The following HDAC7 variants were observed in gnomAD, a reference collection of about 807,000 sequenced individuals.
HDAC7 encodes the protein histone deacetylase 7A.
In HDAC7, 26 loss-of-function variants were observed where a neutral mutation model predicts 115.5. The observed-to-expected ratio is 0.23, with a 90% CI of 0.16 to 0.31. HDAC7 has a LOEUF of 0.31. HDAC7 is among the 10% of genes least tolerant of loss of function. The pLI, the probability that HDAC7 is intolerant of heterozygous loss-of-function variation, is 1.00. For synonymous variants in HDAC7, 564 were observed against 550.9 expected (o/e 1.02, Z -0.33); for missense variants, 1,068 against 1,329.0 (o/e 0.80, Z 3.05).
intron 1 of HDAC7, among the ~76,000 whole-genome samples, chr12:47,817,281 G>A (rs921876375): frequency 5.9e-5 from 9 of 152,168 alleles, no homozygotes; most frequent in African/African-American, 2.2e-4. Flanking sequence ...GTCTTAAGCA[G>A]AAACTCTGCC....
chr12:47,805,185 C>T (rs750405190), intron 1 of HDAC7, among the ~76,000 whole-genome samples: 18 of 152,044 alleles, frequency 1.2e-4, no homozygotes, highest in Non-Finnish European at 2.1e-4. Flanking sequence ...ATTCTCCTGC[C>T]TCAGCCTCCA....
chr12:47,784,981 G>T, intron 24 of HDAC7: 1 of 600,134 alleles, frequency 1.7e-6, no homozygotes, highest in Non-Finnish European at 2.9e-6. Flanking sequence ...CTTTACAAAT[G>T]TGGGGGTTAT....
In HDAC7 at chr12:47,785,474, A is replaced by G. The variant is rs763089846; in HGVS notation, c.2707-3T>C. On this transcript the variant is annotated splice_region_variant and splice_polypyrimidine_tract_variant and intron_variant, in intron 23 of 25. Coordinates refer to ENST00000080059, the MANE Select transcript of HDAC7 (RefSeq NM_015401.5). ...CCTTCTTCTGAAAGGGGATCCACCT[A>G]TAGAAAACAGTACATCAGCCACCAG... 1 of 1,610,096 alleles carries G rather than the reference A, an allele frequency of 6.2e-7. No individual in the cohort carries two copies. Among genetic ancestry groups the G allele is most frequent in the African/African-American group, 1.3e-5 (1 of 74,918 alleles).
At chr12:47,789,427 T>C (rs1443670827) in intron 18 of HDAC7, 79 bp from the exon 19 acceptor site, 1 of 1,582,154 alleles carries the variant, frequency 6.3e-7, no homozygotes, top group East Asian at 2.2e-5. Context: ...TGGCCCAGCC[T>C]GAGAAAGCTC....
intron 22 of HDAC7, among the ~76,000 whole-genome samples, chr12:47,786,329 T>C (rs1258435546): frequency 1.3e-5 from 2 of 152,240 alleles, no homozygotes. Context: ...TCCTGCCTAC[T>C]GGACTTAAGT....
Position 47,793,400 on chromosome 12 carries a change from C to A in HDAC7, c.1647G>T (p.Glu549Asp). ...ASQARVLSSS[E>D]TPARTLPFTT... ...TGAAGGGCAGGGTCCTGGCAGGGGT[C>A]TCTGAGCTGGAGAGGACTCGGGCCT... The change falls in exon 13 of 26, where the codon GAG becomes GAT. Residue 549 changes from glutamate (E) to aspartate (D), a missense_variant. Physicochemically the swap from Glu to Asp is conservative, Grantham distance 45. Coordinates refer to ENST00000080059, the MANE Select transcript of HDAC7 (RefSeq NM_015401.5). This position sits in a 1 kb window ranked among gnomAD's most constrained non-coding sequence, Gnocchi z 4.5. 1 of 1,414,002 alleles carries A rather than the reference C, an allele frequency of 7.1e-7. No individual in the cohort carries two copies. Among genetic ancestry groups the A allele is most frequent in the Non-Finnish European group, 9.4e-7 (1 of 1,062,232 alleles). The allele number at this position is 1,414,002 out of a possible 1,614,324, so 87.6% of individuals were successfully genotyped here.
intron 7 of HDAC7, 140 bp downstream of exon 7, chr12:47,796,877 G>A (rs1400293298): frequency 8.8e-6 from 8 of 905,518 alleles, no homozygotes; most frequent in Non-Finnish European, 1.2e-5. Flanking sequence ...CCCCCGCTTC[G>A]GCAAGTGTGT....
chr12:47,791,017 C>G, intron 16 of HDAC7: 2 of 576,168 alleles, frequency 3.5e-6, no homozygotes, highest in Non-Finnish European at 6.2e-6. Flanking sequence ...TCAACATCTA[C>G]CAGACACCTT....
chr12:47,819,742 CG>C, intron 1 of HDAC7, 24 bp downstream of exon 1: 42 of 768,514 alleles, frequency 5.5e-5, no homozygotes, highest in South Asian at 2.3e-4. Context: ...CAGGGCGGGG[CG>C]GGGGGCGGCC....
At position 47,802,314 on chromosome 12, in the gene HDAC7, G is replaced by C. The variant is rs2525050; in HGVS notation, c.20-40C>G. On this transcript the variant is annotated intron_variant, in intron 1 of 25. Coordinates refer to ENST00000080059, the MANE Select transcript of HDAC7 (RefSeq NM_015401.5). ...ACGGAGTGAAAGAGCTGCAGGGAGGGGTGAGGAGAGGGAGCAGGAAGGAAA... is the reference window on the plus strand; with the variant it reads ...ACGGAGTGAAAGAGCTGCAGGGAGGCGTGAGGAGAGGGAGCAGGAAGGAAA... 2.4e-3 allele frequency: 3,866 copies of C among 1,598,604 alleles called. 74 individuals carry two copies. The African/African-American group carries it at 0.043, about 18-fold the overall frequency.
rs373665104 is a variant in HDAC7 at position 47,786,731 on chromosome 12, T to C, written c.2454-28A>G. On this transcript the variant is annotated intron_variant, in intron 21 of 25. Transcript: ENST00000080059. ...GTGAGGTCACAAGAAGTGGCGATCA[T>C]CGTACTGTGCAGGGTTGCCAGGGGC... The C allele has an allele frequency of 2.5e-6, 4 of 1,583,932 alleles. No individual in the cohort carries two copies. In the African/African-American group the frequency reaches 4.0e-5, roughly 16 times the overall value.
At position 47,784,831 on chromosome 12, in the gene HDAC7, A is replaced by T. The variant is rs1173878402; in HGVS notation, c.2791+556T>A. 4 of 1,478,840 alleles carry T rather than the reference A, an allele frequency of 2.7e-6. No individual in the cohort carries two copies. In the South Asian group the frequency reaches 4.8e-5, roughly 18 times the overall value. 91.6% of individuals were successfully genotyped at this position (1,478,840 alleles called of 1,614,324 possible). ...AAGAGGAATCAGCCATGTCTTTACC[A>T]TTATGTAAAGACATCACGGCTCCCC... On this transcript the variant is annotated intron_variant, in intron 24 of 25. Transcript: ENST00000080059.
Position 47,798,587 on chromosome 12 carries a change from A to G in HDAC7, c.324T>C (p.Leu108=), listed in dbSNP as rs929763563. 6.2e-7 allele frequency: 1 copy of G among 1,613,874 alleles called. No homozygotes were observed. Among genetic ancestry groups the G allele is most frequent in the Non-Finnish European group, 8.5e-7 (1 of 1,179,878 alleles). ...TTCGCTTGCTCTTGTCCTTGTGGAGAAGCTGCCGCAGCTCTTGTTCCTGGG... is the reference window on the plus strand; with the variant it reads ...TTCGCTTGCTCTTGTCCTTGTGGAGGAGCTGCCGCAGCTCTTGTTCCTGGG... ...VGPQEQELRQ[L]LHKDKSKRSA... Residue 108 remains leucine, a synonymous_variant, in exon 4 of 26, where the codon CTT becomes CTC. Coordinates refer to ENST00000080059, the MANE Select transcript of HDAC7 (RefSeq NM_015401.5). The surrounding 1 kb of genome is among the most constrained non-coding windows in gnomAD (Gnocchi z 4.3).
chr12:47,794,917 C>G lies in HDAC7; in HGVS notation c.1301G>C (p.Ser434Thr). 6.2e-7 allele frequency: 1 copy of G among 1,612,294 alleles called. No homozygotes were observed. Among genetic ancestry groups the G allele is most frequent in the Non-Finnish European group, 8.5e-7 (1 of 1,179,580 alleles). Residue 434 changes from serine to threonine, a missense_variant, in exon 12 of 26, where the codon AGT becomes ACT. Physicochemically the swap from Ser to Thr is moderately conservative, Grantham distance 58 (BLOSUM62 1). Transcript: ENST00000080059. ...VQVIKRSAKP[S>T]EKPRLRQIPS... ...TATCTGCCGCAGCCGGGGCTTCTCACTCGGCTTGGCTGACCTCTGGGGAGG... is the reference window on the plus strand; with the variant it reads ...TATCTGCCGCAGCCGGGGCTTCTCAGTCGGCTTGGCTGACCTCTGGGGAGG...
rs1288902794 is a variant in HDAC7 at position 47,795,786 on chromosome 12, A to C, written c.907-19T>G. 3 of 1,518,908 alleles carry C rather than the reference A, an allele frequency of 2.0e-6. No individual in the cohort carries two copies. The highest frequency in any genetic ancestry group is 2.5e-5 in the East Asian group (1 of 40,564). The allele number at this position is 1,518,908 out of a possible 1,614,324, so 94.1% of individuals were successfully genotyped here. ...TGTCAGCCTGGGGGAGAGGCGGGAG[A>C]AGTCACGGGGAAGAAGATTCCAGCA... On this transcript the variant is annotated intron_variant, in intron 9 of 25. Transcript: ENST00000080059. The surrounding 1 kb of genome is among the most constrained non-coding windows in gnomAD (Gnocchi z 4.3).
intron 1 of HDAC7, chr12:47,812,792 C>G (rs1189189823): frequency 6.6e-6 from 1 of 152,264 alleles, no homozygotes; most frequent in Non-Finnish European, 1.5e-5. Context: ...AGCATCCTTA[C>G]TCAAGATCCC....
intron 13 of HDAC7, chr12:47,792,782 A>G: frequency 7.1e-6 from 3 of 425,286 alleles, no homozygotes; most frequent in Non-Finnish European, 1.4e-5. Context: ...GAAATACATT[A>G]ATGAAATACT....
chr12:47,800,212 C>T (rs1252779757), intron 2 of HDAC7, among the ~76,000 whole-genome samples: 4 of 152,114 alleles, frequency 2.6e-5, no homozygotes, highest in East Asian at 1.9e-4. Flanking sequence ...ATAAGGAAAC[C>T]GAGGCTCGGA....
chr12:47,801,779 G>A (rs532309857), intron 2 of HDAC7, among the ~76,000 whole-genome samples: 1 of 152,302 alleles, frequency 6.6e-6, no homozygotes, highest in Admixed American at 6.5e-5. Context: ...GCCAGCAGAG[G>A]GAGGAGGCGC....
Sources: allele counts gnomAD v4.1 joint callset (sites outside exome capture counted in the v4.1 genomes callset), GRCh38; gene constraint gnomAD v4.1.1; non-coding constraint Gnocchi (gnomAD v3.1); transcripts MANE v1.5; gene names NCBI Gene and HGNC (gene_info 2026-07-23, HGNC 2026-07-21).